CLIC2: variants seen among roughly 807,000 people sequenced by gnomAD.
The protein encoded by CLIC2 is CLIC family member 2, also known as chloride intracellular channel protein 2.
Under a neutral mutation model 14.8 loss-of-function variants are expected in CLIC2, and 9 were observed. The ratio of observed to expected loss-of-function variants is 0.61; its 90% CI spans 0.37 to 1.06. The LOEUF (loss-of-function observed/expected upper bound fraction) is 1.06. CLIC2 is among the 50% of genes least tolerant of loss of function. CLIC2 has a pLI of 0.01. For synonymous variants in CLIC2, 61 were observed against 66.3 expected (o/e 0.92, Z 0.39); for missense variants, 148 against 181.4 (o/e 0.82, Z 1.06).
chrX:155,326,488 T>G (rs2075138857), intron 1 of CLIC2, among the ~76,000 whole-genome samples: 1 of 112,014 alleles, frequency 8.9e-6, no homozygotes, highest in South Asian at 3.6e-4. Flanking sequence ...GGTTTTAATG[T>G]AAAATAGTAT....
rs138795292 is a variant in CLIC2 at position 155,317,656 on chromosome X, C to T, written c.57+16715G>A. The stretch of plus-strand genomic sequence containing the variant: ...ATTCAAAGAAGAATTGGTACCAATC[C>T]TATTGACACTATTCCATTGGATAAA... On this transcript the variant is annotated intron_variant, in intron 1 of 5. Coordinates refer to ENST00000369449, the MANE Select transcript of CLIC2 (RefSeq NM_001289.6). Among the ~76,000 whole-genome samples the T allele has an allele frequency of 6.9e-3, 775 of 111,799 alleles. 7 individuals carry two copies. Among genetic ancestry groups the T allele is most frequent in the African/African-American group, 0.024 (732 of 30,793 alleles).
chrX:155,323,471 A>C (rs144686411), intron 1 of CLIC2, among the ~76,000 whole-genome samples: 72 of 112,314 alleles, frequency 6.4e-4, no homozygotes, highest in African/African-American at 2.2e-3. Flanking sequence ...GCCTTCGATA[A>C]AATTCAATAT....
At chrX:155,280,639 G>T (rs1272075353) in intron 3 of CLIC2, among the ~76,000 whole-genome samples, 2 of 111,136 alleles carry the variant, frequency 1.8e-5, no homozygotes, top group Non-Finnish European at 3.8e-5. Flanking sequence ...GTTGCAGTGA[G>T]CTGAGATTGC....
intron 3 of CLIC2, among the ~76,000 whole-genome samples, chrX:155,294,356 G>C (rs782069129): frequency 2.7e-5 from 3 of 111,509 alleles, no homozygotes; most frequent in Non-Finnish European, 5.7e-5. Flanking sequence ...TGAAACAAAT[G>C]AAAATTGAAA....
intron 3 of CLIC2, among the ~76,000 whole-genome samples, chrX:155,287,335 C>G (rs2074946575): frequency 9.0e-6 from 1 of 110,876 alleles, no homozygotes; most frequent in African/African-American, 3.3e-5. Flanking sequence ...TTCTTTCTTT[C>G]TTTCTTTTTT....
rs2075167066 is a variant in CLIC2 at position 155,334,387 on chromosome X, A to G, written c.41T>C (p.Ile14Thr). 4 of 1,208,897 alleles carry G rather than the reference A, an allele frequency of 3.3e-6. No individual in the cohort carries two copies. The highest frequency in any genetic ancestry group is 4.5e-6 in the Non-Finnish European group (4 of 892,944). ...LRPGTQVDPE[I>T]ELFVKAGSDG... ...AAAACTTACCTTTACAAAAAGCTCAATCTCAGGGTCCACTTGAGTGCCGGG... is the reference window on the plus strand; with the variant it reads ...AAAACTTACCTTTACAAAAAGCTCAGTCTCAGGGTCCACTTGAGTGCCGGG... Residue 14 changes from isoleucine (I) to threonine (T), a missense_variant, in exon 1 of 6, where the codon ATT becomes ACT. Physicochemically the swap from Ile to Thr is moderately conservative, Grantham distance 89. Transcript: ENST00000369449.
At chrX:155,307,667 T>G (rs1225617711) in intron 1 of CLIC2, among the ~76,000 whole-genome samples, 1 of 111,214 alleles carries the variant, frequency 9.0e-6, no homozygotes, top group African/African-American at 3.3e-5. Flanking sequence ...GGCAGATCAC[T>G]TGAGGTCAGG....
intron 3 of CLIC2, chrX:155,292,881 C>T: frequency 3.9e-6 from 4 of 1,029,454 alleles, no homozygotes; most frequent in Non-Finnish European, 5.5e-6. Flanking sequence ...CTTGCAGACA[C>T]GTTATCCAGG....
chrX:155,314,556 C>A (rs1225974643), intron 1 of CLIC2, among the ~76,000 whole-genome samples: 1 of 111,878 alleles, frequency 8.9e-6, no homozygotes, highest in African/African-American at 3.3e-5. Flanking sequence ...AAGGGACCAC[C>A]CCGTGGGAGA....
In CLIC2 at chrX:155,316,348, T is replaced by C. The variant is rs190625953; in HGVS notation, c.58-17203A>G. On this transcript the variant is annotated intron_variant, in intron 1 of 5. Transcript: ENST00000369449. The stretch of plus-strand genomic sequence containing the variant: ...TCAACACATGGAACATTCTCCAAGA[T>C]AGACCACATGATAAGGCACAAAACA... 2.7e-5 allele frequency among the ~76,000 whole-genome samples: 3 copies of C among 112,206 alleles called. No homozygotes were observed. The East Asian group carries it at 8.4e-4, about 31-fold the overall frequency.
intron 1 of CLIC2, among the ~76,000 whole-genome samples, chrX:155,303,778 G>A: frequency 2.1e-5 from 2 of 96,963 alleles, no homozygotes; most frequent in Non-Finnish European, 4.2e-5. Context: ...CAGGCCTGGT[G>A]GTGACAAAAT....
At chrX:155,308,362 C>A (rs1040577016) in intron 1 of CLIC2, among the ~76,000 whole-genome samples, 2 of 107,755 alleles carry the variant, frequency 1.9e-5, no homozygotes, top group Non-Finnish European at 3.8e-5. Context: ...AACACACAGA[C>A]GAGAAAAAAG....
chrX:155,332,343 G>A (rs1276298006), intron 1 of CLIC2, among the ~76,000 whole-genome samples: 1 of 111,361 alleles, frequency 9.0e-6, no homozygotes, highest in African/African-American at 3.3e-5. Context: ...AACTTCTAGA[G>A]ATCTGTGGAA....
intron 1 of CLIC2, among the ~76,000 whole-genome samples, chrX:155,302,256 C>A (rs1432537913): frequency 2.8e-5 from 3 of 107,864 alleles, no homozygotes; most frequent in Non-Finnish European, 5.8e-5. Context: ...ACAATTTCAG[C>A]TCCTGTTATT....
At chrX:155,305,888 C>CA (rs2075053778) in intron 1 of CLIC2, among the ~76,000 whole-genome samples, 1 of 111,727 alleles carries the variant, frequency 9.0e-6, no homozygotes, top group African/African-American at 3.2e-5. Flanking sequence ...ATCAAGATTA[C>CA]AAAAAACATA....
intron 3 of CLIC2, among the ~76,000 whole-genome samples, chrX:155,281,953 C>A (rs1557316536): frequency 9.0e-6 from 1 of 111,091 alleles, no homozygotes; most frequent in African/African-American, 3.3e-5. Context: ...TGGCTTTCCC[C>A]TACTCAGTAG....
chrX:155,325,032 G>T (rs782278501), intron 1 of CLIC2, among the ~76,000 whole-genome samples: 14 of 112,401 alleles, frequency 1.2e-4, no homozygotes, highest in Admixed American at 3.8e-4. Context: ...GATCATTAGA[G>T]AAATGCAAAT....
Position 155,279,129 on chromosome X carries a change from C to A in CLIC2, c.582+20G>T, listed in dbSNP as rs369423330. The A allele has an allele frequency of 7.5e-6, 9 of 1,201,358 alleles. No homozygotes were observed. The African/African-American group carries it at 1.2e-4, about 16-fold the overall frequency. On this transcript the variant is annotated intron_variant, in intron 5 of 5. Transcript: ENST00000369449. ...TGGCAAACCCCTCCCACCCATTCAG[C>A]CTGCCTTATAAAGACTTACTTTAAT...
chrX:155,292,665 G>T, intron 3 of CLIC2: 1 of 283,645 alleles, frequency 3.5e-6, no homozygotes, highest in Admixed American at 5.9e-5. Flanking sequence ...AGCTACTGGG[G>T]AGGCTGAGGC....
Sources: allele counts gnomAD v4.1 joint callset (sites outside exome capture counted in the v4.1 genomes callset), GRCh38; gene constraint gnomAD v4.1.1; transcripts MANE v1.5; gene names NCBI Gene and HGNC (gene_info 2026-07-23, HGNC 2026-07-21).